AHRR: variants seen among roughly 807,000 people sequenced by gnomAD.
AHRR encodes ahR repressor.
Under a neutral mutation model 44.0 loss-of-function variants are expected in AHRR, and 28 were observed. The observed-to-expected ratio is 0.64, with a 90% CI of 0.47 to 0.87. The LOEUF (loss-of-function observed/expected upper bound fraction) is 0.87, where lower values mean the gene tolerates loss of function less well. AHRR is among the 40% of genes least tolerant of loss of function. The pLI, the probability that AHRR is intolerant of heterozygous loss-of-function variation, is 0.00. For missense variants in AHRR, 990 were observed against 953.9 expected (o/e 1.04, Z -0.50); for synonymous variants, 434 against 407.0 (o/e 1.07, Z -0.80).
At chr5:379,587 A>G (rs537284197) in intron 4 of AHRR, among the ~76,000 whole-genome samples, 19 of 152,334 alleles carry the variant, frequency 1.2e-4, no homozygotes, top group African/African-American at 4.1e-4. Context: ...CCCTGTGACT[A>G]ACAATGCTGC....
chr5:402,951 C>T (rs1372181376), intron 4 of AHRR, among the ~76,000 whole-genome samples: 1 of 151,616 alleles, frequency 6.6e-6, no homozygotes, highest in Admixed American at 6.6e-5. Flanking sequence ...ACAGACAGTT[C>T]TGCGTGATCT....
At chr5:424,514 G>A in intron 7 of AHRR, among the ~76,000 whole-genome samples, 1 of 152,158 alleles carries the variant, frequency 6.6e-6, no homozygotes, top group Non-Finnish European at 1.5e-5. Context: ...CGATGGTGTG[G>A]GGCTGTGACG....
intron 1 of AHRR, among the ~76,000 whole-genome samples, chr5:331,181 G>T (rs1292269161): frequency 3.3e-5 from 5 of 152,056 alleles, no homozygotes; most frequent in Admixed American, 3.3e-4. Flanking sequence ...GGCCAGTTGT[G>T]AGCTTTTCTT....
chr5:392,420 A>G (rs542793422), intron 4 of AHRR, among the ~76,000 whole-genome samples: 28 of 108,400 alleles, frequency 2.6e-4, no homozygotes, highest in Admixed American at 1.8e-3. Context: ...AGCGTGCACG[A>G]ACACACGGGT....
chr5:410,868 G>A (rs1325284027), intron 4 of AHRR, among the ~76,000 whole-genome samples: 3 of 152,018 alleles, frequency 2.0e-5, no homozygotes, highest in South Asian at 4.1e-4. Context: ...TATCACTTTT[G>A]TTAATTTGCA....
chr5:326,056 T>C lies in AHRR; in HGVS notation c.-11+4237T>C, dbSNP rs1467264542. 6.6e-6 allele frequency among the ~76,000 whole-genome samples: 1 copy of C among 152,258 alleles called. No homozygotes were observed. The highest frequency in any genetic ancestry group is 1.5e-5 in the Non-Finnish European group (1 of 68,046). ...CCTCAGCCTCCCTAAGTGCTGGGAT[T>C]ACAGGCGTGAGCCACTGCGGCCGGC... On this transcript the variant is annotated intron_variant, in intron 1 of 10. Transcript: ENST00000684583. This position sits in a 1 kb window ranked among gnomAD's most constrained non-coding sequence, Gnocchi z 4.1.
chr5:337,405 G>T lies in AHRR; in HGVS notation c.-10-6488G>T, dbSNP rs528147941. 1.6e-4 allele frequency among the ~76,000 whole-genome samples: 25 copies of T among 152,092 alleles called. No homozygotes were observed. In the South Asian group the frequency reaches 5.2e-3, roughly 32 times the overall value. On this transcript the variant is annotated intron_variant, in intron 1 of 10. Transcript: ENST00000684583. The surrounding 1 kb of genome is among the most constrained non-coding windows in gnomAD (Gnocchi z 4.1). ...GTATATACACACACATACATACAGG[G>T]TCTTGTTCTGTCACCCAGGCTGGAG... is the stretch of plus-strand genomic sequence containing the variant.
chr5:430,266 C>G (rs1177027125), intron 8 of AHRR, among the ~76,000 whole-genome samples: 1 of 152,244 alleles, frequency 6.6e-6, no homozygotes, highest in Non-Finnish European at 1.5e-5. Context: ...AGATCTGGGA[C>G]TCAGCAGCAC....
chr5:397,583 T>C (rs1434417776), intron 4 of AHRR, among the ~76,000 whole-genome samples: 1 of 42,316 alleles, frequency 2.4e-5, no homozygotes, highest in Admixed American at 2.4e-4. Flanking sequence ...TGACCATCCC[T>C]GTTAGCCCCT....
intron 3 of AHRR, among the ~76,000 whole-genome samples, chr5:373,237 C>T (rs1462730504): frequency 2.0e-5 from 3 of 152,254 alleles, no homozygotes; most frequent in African/African-American, 7.2e-5. Context: ...CAGCCCTGCC[C>T]CGCGGCCCTG....
intron 5 of AHRR, 157 bp from the exon 6 acceptor site, chr5:422,572 A>C (rs1579701299): frequency 1.0e-6 from 1 of 953,716 alleles, no homozygotes; most frequent in Non-Finnish European, 1.6e-6. Flanking sequence ...GGAGTGGGGA[A>C]CCGGGGCCAA....
intron 5 of AHRR, among the ~76,000 whole-genome samples, chr5:414,230 T>A (rs1479110922): frequency 6.6e-6 from 1 of 151,882 alleles, no homozygotes; most frequent in East Asian, 1.9e-4. Context: ...GTCACTGCAC[T>A]CCAGCCTGGG....
At chr5:389,800 GCCA>G (rs1560903308) in intron 4 of AHRR, among the ~76,000 whole-genome samples, 1 of 151,488 alleles carries the variant, frequency 6.6e-6, no homozygotes, top group Non-Finnish European at 1.5e-5. Flanking sequence ...AAGGAAAGAG[GCCA>G]CCGTGAAAGA....
At position 435,045 on chromosome 5, in the gene AHRR, T is replaced by C; in HGVS notation, c.*211T>C. 1 of 650,884 alleles carries C rather than the reference T, an allele frequency of 1.5e-6. No individual in the cohort carries two copies. Among genetic ancestry groups the C allele is most frequent in the Non-Finnish European group, 2.5e-6 (1 of 395,216 alleles). 40.3% of individuals were successfully genotyped at this position (650,884 alleles called of 1,614,324 possible). On this transcript the variant is annotated 3_prime_UTR_variant, in exon 11 of 11. Transcript: ENST00000684583. ...ATCCCAACAGTTCTTAAATGAAAACTGGCCTTAAGTCTATTCAAGCATGAC... is the reference window on the plus strand; with the variant it reads ...ATCCCAACAGTTCTTAAATGAAAACCGGCCTTAAGTCTATTCAAGCATGAC...
intron 3 of AHRR, among the ~76,000 whole-genome samples, chr5:375,323 A>G (rs1743740855): frequency 1.3e-5 from 2 of 151,990 alleles, no homozygotes; most frequent in South Asian, 2.1e-4. Context: ...CTCAAACTTG[A>G]TTTTCTGTCT....
chr5:390,101 C>T lies in AHRR; in HGVS notation c.351+13385C>T, dbSNP rs573320388. On this transcript the variant is annotated intron_variant, in intron 4 of 10. Transcript: ENST00000684583. ...AGAGGCCGGAAAGGACAGAAACACA[C>T]GGAATGAAGAAAAGACAGAGGCCCG... is the stretch of plus-strand genomic sequence containing the variant. Among the ~76,000 whole-genome samples, 233 of 152,230 alleles carry T rather than the reference C, an allele frequency of 1.5e-3. 1 individual carries two copies. The highest frequency in any genetic ancestry group is 5.2e-3 in the African/African-American group (218 of 41,548).
At chr5:390,201 T>C (rs973746205) in intron 4 of AHRR, among the ~76,000 whole-genome samples, 1 of 152,080 alleles carries the variant, frequency 6.6e-6, no homozygotes, top group Non-Finnish European at 1.5e-5. Flanking sequence ...AAGAGTGTGA[T>C]TGGATTGCTT....
chr5:412,236 A>T (rs1735495349), intron 4 of AHRR, among the ~76,000 whole-genome samples: 1 of 152,224 alleles, frequency 6.6e-6, no homozygotes, highest in Admixed American at 6.5e-5. Flanking sequence ...TTTCTAGAAA[A>T]TATTTTAAGA....
Position 411,014 on chromosome 5 carries a change from T to G in AHRR, c.352-2330T>G, listed in dbSNP as rs894184784. Among the ~76,000 whole-genome samples, 3 of 117,134 alleles carry G rather than the reference T, an allele frequency of 2.6e-5. No homozygotes were observed. Among genetic ancestry groups the G allele is most frequent in the Non-Finnish European group, 4.5e-5 (3 of 66,524 alleles). The allele number at this position is 117,134 out of a possible 152,430, so 76.8% of individuals were successfully genotyped here. A position where few individuals can be genotyped will look rare whatever the true frequency, so the allele number is the denominator to read the frequency against. On this transcript the variant is annotated intron_variant, in intron 4 of 10. Coordinates refer to ENST00000684583, the MANE Select transcript of AHRR (RefSeq NM_001377236.1). This position sits in a 1 kb window ranked among gnomAD's most constrained non-coding sequence, Gnocchi z 4.2. ...TTAAACTCCTGGTGTCAGTGATTTG[T>G]TTTTTTTTTCTTGATGAGTCTTGCT...
Sources: allele counts gnomAD v4.1 joint callset (sites outside exome capture counted in the v4.1 genomes callset), GRCh38; gene constraint gnomAD v4.1.1; non-coding constraint Gnocchi (gnomAD v3.1); transcripts MANE v1.5; gene names NCBI Gene and HGNC (gene_info 2026-07-23, HGNC 2026-07-21).